The following ENTHD1 variants were observed in gnomAD, a reference collection of about 807,000 sequenced individuals.
The protein encoded by ENTHD1 is ENTH domain containing 1.
Under a neutral mutation model 39.1 loss-of-function variants are expected in ENTHD1, and 23 were observed. The ratio of observed to expected loss-of-function variants is 0.59; its 90% CI spans 0.42 to 0.83. ENTHD1 has a LOEUF of 0.83. Among genes scored for constraint, ENTHD1 ranks in the 40% least tolerant of loss-of-function variants. The pLI, the probability that ENTHD1 is intolerant of heterozygous loss-of-function variation, is 0.00. For missense variants in ENTHD1, 624 were observed against 705.4 expected, an observed-to-expected ratio of 0.88 and a Z score of 1.31; for synonymous variants, 230 against 258.2, an observed-to-expected ratio of 0.89 and a Z score of 1.05.
intron 4 of ENTHD1, 134 bp from the exon 5 acceptor site, chr22:39,821,247 T>C: frequency 1.8e-6 from 2 of 1,122,624 alleles, no homozygotes; most frequent in Non-Finnish European, 2.5e-6. Flanking sequence ...AACTCAAACA[T>C]ACATCTATCA....
intron 6 of ENTHD1, among the ~76,000 whole-genome samples, chr22:39,762,856 A>T (rs1056240539): frequency 2.0e-5 from 3 of 152,088 alleles, no homozygotes; most frequent in African/African-American, 4.8e-5. Context: ...TACCTATCTT[A>T]TACATTCAGA....
chr22:39,777,521 T>C (rs1005466964), intron 5 of ENTHD1, among the ~76,000 whole-genome samples: 2 of 152,204 alleles, frequency 1.3e-5, no homozygotes, highest in African/African-American at 2.4e-5. Flanking sequence ...AACACAGTGA[T>C]GAAATATGGC....
In ENTHD1 at chr22:39,749,116, A is replaced by G. The variant is rs377068690; in HGVS notation, c.1220-4833T>C. On this transcript the variant is annotated intron_variant, in intron 6 of 6. Coordinates refer to ENST00000325157, the MANE Select transcript of ENTHD1 (RefSeq NM_152512.4). Reference sequence around the variant, plus strand: ...TTGCTTATAAAAAGCCACTTCATCTATAATTGCCGCATACCAATTTACTTT... The same window carrying G: ...TTGCTTATAAAAAGCCACTTCATCTGTAATTGCCGCATACCAATTTACTTT... Among the ~76,000 whole-genome samples the G allele has an allele frequency of 5.9e-5, 9 of 152,320 alleles. No homozygotes were observed. The South Asian group carries it at 1.0e-3, about 18-fold the overall frequency.
intron 2 of ENTHD1, chr22:39,875,318 C>T (rs1027648030): frequency 7.8e-7 from 1 of 1,289,792 alleles, no homozygotes; most frequent in Non-Finnish European, 9.8e-7. Flanking sequence ...CCGCTCGGGC[C>T]CGTTCGCGCC....
intron 5 of ENTHD1, among the ~76,000 whole-genome samples, chr22:39,811,156 C>T (rs974745831): frequency 1.3e-5 from 2 of 152,192 alleles, no homozygotes; most frequent in African/African-American, 4.8e-5. Flanking sequence ...TCAGGATATC[C>T]CCTCTAAAGT....
chr22:39,773,810 G>C (rs762089327), intron 5 of ENTHD1, among the ~76,000 whole-genome samples: 1 of 152,158 alleles, frequency 6.6e-6, no homozygotes, highest in Non-Finnish European at 1.5e-5. Context: ...TACAAATTTA[G>C]GCATTGCTTT....
intron 2 of ENTHD1, among the ~76,000 whole-genome samples, chr22:39,884,120 C>G (rs1477478445): frequency 1.3e-5 from 2 of 151,880 alleles, no homozygotes; most frequent in Non-Finnish European, 2.9e-5. Flanking sequence ...TGACAATATA[C>G]CCCAAATTGA....
chr22:39,812,007 CAAACAAACA>C (rs1427844509), intron 5 of ENTHD1, among the ~76,000 whole-genome samples: 8 of 25,200 alleles, frequency 3.2e-4, no homozygotes, highest in Admixed American at 1.7e-3. Flanking sequence ...AACAAACAAA[CAAACAAACA>C]AAAAAAAAAC....
rs552709855 is a variant in ENTHD1 at position 39,762,969 on chromosome 22, A to G, written c.1219+2254T>C. On this transcript the variant is annotated intron_variant, in intron 6 of 6. Transcript: ENST00000325157. The stretch of plus-strand genomic sequence containing the variant: ...CTTGGTAACTTTTTGTTGAAAGTCA[A>G]AATTTTCAATGAAAAATTTTAAGAG... Among the ~76,000 whole-genome samples the G allele has an allele frequency of 3.9e-5, 6 of 152,268 alleles. 1 individual carries two copies. In the South Asian group the frequency reaches 6.2e-4, roughly 16 times the overall value.
chr22:39,885,215 A>G (rs2066370322), intron 2 of ENTHD1, among the ~76,000 whole-genome samples: 1 of 152,234 alleles, frequency 6.6e-6, no homozygotes, highest in African/African-American at 2.4e-5. Flanking sequence ...CAAAGAAGAC[A>G]TACAAATTGC....
At chr22:39,872,017 T>C (rs1443561446) in intron 2 of ENTHD1, among the ~76,000 whole-genome samples, 2 of 152,256 alleles carry the variant, frequency 1.3e-5, no homozygotes, top group African/African-American at 2.4e-5. Flanking sequence ...GAAATTGCAC[T>C]AATTTATTAA....
intron 1 of ENTHD1, among the ~76,000 whole-genome samples, chr22:39,889,616 G>A (rs955309618): frequency 6.6e-6 from 1 of 152,096 alleles, no homozygotes. Flanking sequence ...TTTTAGTTTT[G>A]CTTCCCTTTC....
chr22:39,816,837 G>A (rs893194555), intron 5 of ENTHD1, among the ~76,000 whole-genome samples: 25 of 151,520 alleles, frequency 1.6e-4, no homozygotes, highest in Admixed American at 3.9e-4. Context: ...AAAGTTGAAA[G>A]ACAATTCACA....
chr22:39,852,828 C>G (rs1435883907), intron 3 of ENTHD1, among the ~76,000 whole-genome samples: 1 of 152,172 alleles, frequency 6.6e-6, no homozygotes, highest in Non-Finnish European at 1.5e-5. Context: ...TGACACATGA[C>G]TATTCTGAGA....
At chr22:39,771,385 G>T (rs1340975842) in intron 5 of ENTHD1, among the ~76,000 whole-genome samples, 1 of 152,018 alleles carries the variant, frequency 6.6e-6, no homozygotes, top group Non-Finnish European at 1.5e-5. Context: ...GGCTAAAAGT[G>T]GGCTGAAACC....
rs541152538 is a variant in ENTHD1, at chr22:39,819,056, T to C, written c.832+1937A>G. Reference sequence around the variant, plus strand: ...TGGATAAATAAACTGTGGTACATTCTATTCAGCACTAAAAAGAAAAGAGCT... The same window carrying C: ...TGGATAAATAAACTGTGGTACATTCCATTCAGCACTAAAAAGAAAAGAGCT... On this transcript the variant is annotated intron_variant, in intron 5 of 6. Transcript: ENST00000325157. 3.9e-5 allele frequency among the ~76,000 whole-genome samples: 6 copies of C among 152,268 alleles called. No homozygotes were observed. The South Asian group carries it at 1.2e-3, about 32-fold the overall frequency.
At chr22:39,772,987 C>T (rs541821940) in intron 5 of ENTHD1, among the ~76,000 whole-genome samples, 4 of 151,724 alleles carry the variant, frequency 2.6e-5, no homozygotes, top group South Asian at 2.1e-4. Context: ...CAAAATCTGA[C>T]GGAATTAAAG....
At chr22:39,869,727 T>C (rs2066223292) in intron 2 of ENTHD1, among the ~76,000 whole-genome samples, 1 of 151,748 alleles carries the variant, frequency 6.6e-6, no homozygotes, top group Non-Finnish European at 1.5e-5. Flanking sequence ...ATCTATATTC[T>C]ATGATTTGAA....
chr22:39,879,056 A>T (rs560548379), intron 2 of ENTHD1, among the ~76,000 whole-genome samples: 1 of 152,270 alleles, frequency 6.6e-6, no homozygotes, highest in African/African-American at 2.4e-5. Flanking sequence ...TGCAAAAAAA[A>T]ATGAGACGAA....
Sources: allele counts gnomAD v4.1 joint callset (sites outside exome capture counted in the v4.1 genomes callset), GRCh38; gene constraint gnomAD v4.1.1; transcripts MANE v1.5; gene names NCBI Gene and HGNC (gene_info 2026-07-23, HGNC 2026-07-21).